Variants in LRGUK observed in about 807,000 individuals in gnomAD.
LRGUK encodes the protein leucine rich repeats and guanylate kinase domain containing.
A neutral mutation model predicts 76.0 loss-of-function variants in LRGUK; 65 were observed. The ratio of observed to expected loss-of-function variants is 0.85; its 90% CI spans 0.70 to 1.05. The LOEUF (loss-of-function observed/expected upper bound fraction) is 1.05. LRGUK is among the 50% of genes least tolerant of loss of function. The pLI, the probability that LRGUK is intolerant of heterozygous loss-of-function variation, is 0.00. For synonymous variants in LRGUK, 268 were observed against 265.6 expected (o/e 1.01, Z -0.09); for missense variants, 758 against 732.8 (o/e 1.03, Z -0.40).
At chr7:134,200,524 A>C (rs1800725231) in intron 14 of LRGUK, among the ~76,000 whole-genome samples, 1 of 152,154 alleles carries the variant, frequency 6.6e-6, no homozygotes, top group South Asian at 2.1e-4. Context: ...TACATAAAAA[A>C]GTTCTCTGGC....
At chr7:134,169,736 T>C (rs1162764700) in intron 7 of LRGUK, among the ~76,000 whole-genome samples, 1 of 152,192 alleles carries the variant, frequency 6.6e-6, no homozygotes, top group Non-Finnish European at 1.5e-5. Flanking sequence ...TGATTAATAC[T>C]TGTAAAATAT....
chr7:134,270,370 T>C, the LRGUK span, among the ~76,000 whole-genome samples: 1 of 152,180 alleles, frequency 6.6e-6, no homozygotes, highest in South Asian at 2.1e-4. Context: ...ACAAGACTTA[T>C]ATCTTACAAG....
intron 14 of LRGUK, among the ~76,000 whole-genome samples, chr7:134,201,103 CTT>C (rs1023928212): frequency 3.9e-5 from 6 of 152,208 alleles, no homozygotes; most frequent in African/African-American, 1.4e-4. Context: ...TCTCTGACTT[CTT>C]TTTCTGCCAA....
At chr7:134,151,077 A>T (rs1324401408) in intron 5 of LRGUK, among the ~76,000 whole-genome samples, 1 of 152,318 alleles carries the variant, frequency 6.6e-6, no homozygotes, top group South Asian at 2.1e-4. Context: ...CATGAAATAT[A>T]CTTCTTTCTC....
At chr7:134,239,996 T>C (rs1225608695) in intron 16 of LRGUK, among the ~76,000 whole-genome samples, 1 of 152,084 alleles carries the variant, frequency 6.6e-6, no homozygotes, top group Non-Finnish European at 1.5e-5. Context: ...GTTCTGACTG[T>C]TAGAAGGAAA....
intron 10 of LRGUK, among the ~76,000 whole-genome samples, chr7:134,182,216 G>A (rs968206841): frequency 1.3e-5 from 2 of 152,138 alleles, no homozygotes; most frequent in Admixed American, 6.6e-5. Flanking sequence ...AGCATTCCAT[G>A]GCGTGAAAGT....
intron 18 of LRGUK, among the ~76,000 whole-genome samples, chr7:134,257,869 G>A (rs1362019555): frequency 1.3e-5 from 2 of 152,000 alleles, no homozygotes; most frequent in African/African-American, 4.8e-5. Context: ...GTGAGGTCCA[G>A]ATCAGGCCAC....
chr7:134,188,496 G>T (rs1180798962), intron 11 of LRGUK, among the ~76,000 whole-genome samples: 1 of 152,148 alleles, frequency 6.6e-6, no homozygotes, highest in East Asian at 1.9e-4. Flanking sequence ...AGCAGACCAG[G>T]TAGAATGTAG....
At chr7:134,222,781 T>C (rs1801634479) in intron 16 of LRGUK, among the ~76,000 whole-genome samples, 2 of 152,082 alleles carry the variant, frequency 1.3e-5, no homozygotes, top group African/African-American at 4.8e-5. Flanking sequence ...GCTAATTTTG[T>C]ATTTTCAGTA....
intron 3 of LRGUK, among the ~76,000 whole-genome samples, chr7:134,141,409 G>C (rs1356531574): frequency 1.3e-5 from 2 of 152,060 alleles, no homozygotes; most frequent in East Asian, 1.9e-4. Context: ...CTGCTGGTCC[G>C]GGACCACATG....
intron 5 of LRGUK, among the ~76,000 whole-genome samples, chr7:134,153,770 T>C (rs1204748790): frequency 1.3e-5 from 2 of 152,228 alleles, no homozygotes; most frequent in Non-Finnish European, 2.9e-5. Flanking sequence ...TTTTCTCCTA[T>C]AGTGAAGAGC....
downstream of LRGUK, among the ~76,000 whole-genome samples, chr7:134,213,055 AGAG>A (rs914933478): frequency 1.3e-5 from 2 of 152,166 alleles, no homozygotes; most frequent in African/African-American, 4.8e-5. Flanking sequence ...AGACTGATGG[AGAG>A]GGGAAGTTTT....
At chr7:134,276,303 GA>G in the LRGUK span, among the ~76,000 whole-genome samples, 1 of 152,222 alleles carries the variant, frequency 6.6e-6, no homozygotes, top group Non-Finnish European at 1.5e-5. Flanking sequence ...AACTATGTAG[GA>G]AGGCACTATT....
chr7:134,135,509 G>A (rs1254287791), intron 1 of LRGUK, among the ~76,000 whole-genome samples: 1 of 152,150 alleles, frequency 6.6e-6, no homozygotes, highest in Non-Finnish European at 1.5e-5. Flanking sequence ...ATATTTTACA[G>A]CGACATGTCC....
At chr7:134,191,745 G>C in exon 12 of LRGUK, 1 of 1,601,394 alleles carries the variant, frequency 6.2e-7, no homozygotes, top group Non-Finnish European at 8.5e-7. Context: ...ATGAAATGGT[G>C]AACATGGTAA....
intron 18 of LRGUK, among the ~76,000 whole-genome samples, chr7:134,249,449 G>C (rs1211680969): frequency 6.6e-6 from 1 of 152,170 alleles, no homozygotes; most frequent in African/African-American, 2.4e-5. Flanking sequence ...TGATTCGGCT[G>C]TGTTCTTGGT....
At chr7:134,202,862 C>T (rs140734868) in intron 15 of LRGUK, among the ~76,000 whole-genome samples, 13 of 152,192 alleles carry the variant, frequency 8.5e-5, no homozygotes, top group Admixed American at 2.0e-4. Flanking sequence ...ATGATAGTGA[C>T]GGTGGCACAG....
At chr7:134,158,825 C>G (rs1169328493) in intron 6 of LRGUK, among the ~76,000 whole-genome samples, 1 of 152,246 alleles carries the variant, frequency 6.6e-6, no homozygotes, top group East Asian at 1.9e-4. Context: ...TTTGAAATAA[C>G]AGGATAGCTC....
chr7:134,160,212 T>A (rs1798664737), intron 6 of LRGUK, among the ~76,000 whole-genome samples: 1 of 152,198 alleles, frequency 6.6e-6, no homozygotes, highest in East Asian at 1.9e-4. Flanking sequence ...TTAAGAATTA[T>A]AATACGTAGC....
Sources: gnomAD v4.1 joint callset for allele counts (sites outside exome capture counted in the v4.1 genomes callset) on GRCh38, gnomAD v4.1.1 for gene constraint, MANE v1.5 for transcripts, NCBI Gene and HGNC (gene_info 2026-07-23, HGNC 2026-07-21) for gene names.